The following RBFOX1 variants were observed in gnomAD, a reference collection of about 807,000 sequenced individuals.
The protein encoded by RBFOX1 is RNA binding fox-1 homolog 1, also known as RNA binding protein fox-1 homolog 1.
A neutral mutation model predicts 57.7 loss-of-function variants in RBFOX1; 8 were observed. The observed-to-expected ratio is 0.14, with a 90% CI of 0.08 to 0.25. RBFOX1 has a LOEUF of 0.25. Among genes scored for constraint, RBFOX1 ranks in the 10% least tolerant of loss-of-function variants. The pLI is 1.00. For missense variants in RBFOX1, 611 were observed against 548.5 expected (o/e 1.11, Z -1.14); for synonymous variants, 326 against 222.4 (o/e 1.47, Z -4.15).
chr16:6,500,399 C>T (rs3095508), intron 2 of RBFOX1, among the ~76,000 whole-genome samples: 1 of 151,950 alleles, frequency 6.6e-6, no homozygotes, highest in Non-Finnish European at 1.5e-5. Context: ...AGGATATTCA[C>T]TGACCATTTA....
chr16:6,282,181 C>T (rs905972566), intron 1 of RBFOX1, among the ~76,000 whole-genome samples: 1 of 152,030 alleles, frequency 6.6e-6, no homozygotes, highest in Non-Finnish European at 1.5e-5. Context: ...TGGGAAAAAT[C>T]CCAGATTGCG....
At chr16:7,226,851 A>G (rs569693160) in intron 4 of RBFOX1, among the ~76,000 whole-genome samples, 2 of 152,320 alleles carry the variant, frequency 1.3e-5, no homozygotes, top group Non-Finnish European at 2.9e-5. Flanking sequence ...GAGATTGCCA[A>G]CTTCAGGCTC....
chr16:7,047,716 C>CTTTTTTTTTTTTT (rs55636828), intron 3 of RBFOX1, among the ~76,000 whole-genome samples: 5 of 47,934 alleles, frequency 1.0e-4, no homozygotes, highest in East Asian at 4.1e-4. Context: ...TCCTGCATTT[C>CTTTTTTTTTTTTT]TTTTTTTTTT....
At chr16:5,977,663 C>G (rs1303196529) in intron 4 of RBFOX1, among the ~76,000 whole-genome samples, 1 of 152,084 alleles carries the variant, frequency 6.6e-6, no homozygotes, top group Non-Finnish European at 1.5e-5. Flanking sequence ...AAACCAACTG[C>G]TGATTGGAAA....
intron 4 of RBFOX1, among the ~76,000 whole-genome samples, chr16:7,482,241 G>T (rs2064150014): frequency 1.3e-5 from 2 of 152,204 alleles, no homozygotes; most frequent in South Asian, 4.1e-4. Context: ...CATTGTAAGA[G>T]CTCAAACAGT....
intron 1 of RBFOX1, among the ~76,000 whole-genome samples, chr16:5,394,180 T>C (rs2066486429): frequency 1.3e-5 from 2 of 152,046 alleles, no homozygotes; most frequent in South Asian, 4.1e-4. Context: ...TGCACTACCG[T>C]ACCCGGCTAA....
At chr16:7,200,015 C>T (rs1007138909) in intron 4 of RBFOX1, among the ~76,000 whole-genome samples, 5 of 152,180 alleles carry the variant, frequency 3.3e-5, no homozygotes, top group African/African-American at 1.2e-4. Flanking sequence ...TGTGGATAGT[C>T]ACAATCATAG....
intron 3 of RBFOX1, among the ~76,000 whole-genome samples, chr16:6,812,925 T>C (rs1275123584): frequency 6.6e-6 from 1 of 152,190 alleles, no homozygotes; most frequent in Non-Finnish European, 1.5e-5. Flanking sequence ...GTCATTGCTG[T>C]CTTTCTTTGG....
rs918085788 is a variant in RBFOX1 at position 5,378,546 on chromosome 16, T to TA, written c.220-88669dup. Among the ~76,000 whole-genome samples the TA allele has an allele frequency of 5.6e-4, 85 of 151,556 alleles. 3 individuals carry two copies. The highest frequency in any genetic ancestry group is 2.0e-3 in the African/African-American group (80 of 40,866). The stretch of plus-strand genomic sequence containing the variant: ...TGAATAGCCTCAGCAGAACCTCCAC[T>TA]AGGGCAGCAAGTTGTCCCAGTTATA... On this transcript the variant is annotated intron_variant, in intron 1 of 2. Transcript: ENST00000585867.
intron 4 of RBFOX1, among the ~76,000 whole-genome samples, chr16:7,334,731 C>T (rs1163585173): frequency 1.3e-5 from 2 of 152,162 alleles, no homozygotes; most frequent in East Asian, 3.9e-4. Context: ...CGTATTACCC[C>T]AGTGATAGAT....
At chr16:6,868,328 GT>G (rs1354835390) in intron 3 of RBFOX1, among the ~76,000 whole-genome samples, 2 of 152,144 alleles carry the variant, frequency 1.3e-5, no homozygotes, top group African/African-American at 4.8e-5. Context: ...GTAAAACAGA[GT>G]GGATTCATCT....
chr16:7,643,618 T>C (rs1186818084), intron 11 of RBFOX1, among the ~76,000 whole-genome samples: 1 of 152,204 alleles, frequency 6.6e-6, no homozygotes, highest in African/African-American at 2.4e-5. Flanking sequence ...AGTACAAACC[T>C]GCTCACTAAC....
At chr16:7,651,261 G>C (rs2065000410) in intron 11 of RBFOX1, among the ~76,000 whole-genome samples, 1 of 152,120 alleles carries the variant, frequency 6.6e-6, no homozygotes, top group African/African-American at 2.4e-5. Context: ...TCTTCACTTT[G>C]GTCGGGTTCG....
In RBFOX1 at chr16:6,759,177, G is replaced by A. The variant is rs147667932; in HGVS notation, c.-16+104527G>A. On this transcript the variant is annotated intron_variant, in intron 3 of 15. Transcript: ENST00000550418. ...TTTTTTTTTTCTTTTGTGAGACAGA[G>A]TCTCGCTCTGTTGCCCAGGCTGGAG... Among the ~76,000 whole-genome samples the A allele has an allele frequency of 7.5e-3, 1,125 of 149,112 alleles. 15 individuals carry two copies. Among genetic ancestry groups the A allele is most frequent in the African/African-American group, 0.026 (1,040 of 40,492 alleles).
rs1446921951 is a variant in RBFOX1 at position 6,780,192 on chromosome 16, TATATATTTTTATATATTTA to T, written c.-16+125543_-16+125561del. ...ATTTTTATATATTTATATATATATT[TATATATTTTTATATATTTA>T]TATATATTTATATATATATTTATAT... On this transcript the variant is annotated intron_variant, in intron 3 of 15. Transcript: ENST00000550418. Among the ~76,000 whole-genome samples, 22 of 36,614 alleles carry T rather than the reference TATATATTTTTATATATTTA, an allele frequency of 6.0e-4. 1 individual carries two copies. The highest frequency in any genetic ancestry group is 1.4e-3 in the African/African-American group (6 of 4,266). 24.0% of individuals were successfully genotyped at this position (36,614 alleles called of 152,430 possible).
At chr16:6,133,648 C>G (rs149157178) in intron 1 of RBFOX1, among the ~76,000 whole-genome samples, 77 of 152,334 alleles carry the variant, frequency 5.1e-4, no homozygotes, top group African/African-American at 1.6e-3. Context: ...TCCCATTGCT[C>G]TTTGAATAAA....
At chr16:7,454,601 C>T (rs982471673) in intron 4 of RBFOX1, among the ~76,000 whole-genome samples, 9 of 152,184 alleles carry the variant, frequency 5.9e-5, no homozygotes, top group Non-Finnish European at 8.8e-5. Flanking sequence ...AGGAAAACTA[C>T]ACAAAGATGT....
intron 3 of RBFOX1, among the ~76,000 whole-genome samples, chr16:6,832,582 C>T (rs2092785711): frequency 6.6e-6 from 1 of 152,294 alleles, no homozygotes; most frequent in African/African-American, 2.4e-5. Context: ...CTTGCAGCAG[C>T]CGCAGACGGA....
intron 4 of RBFOX1, among the ~76,000 whole-genome samples, chr16:7,073,911 CTG>C (rs2057833345): frequency 9.1e-6 from 1 of 109,866 alleles, no homozygotes; most frequent in African/African-American, 3.0e-5. Flanking sequence ...AAAAAATTGA[CTG>C]ACAATCCAGA....
Sources: gnomAD v4.1 joint callset for allele counts (sites outside exome capture counted in the v4.1 genomes callset) on GRCh38, gnomAD v4.1.1 for gene constraint, MANE v1.5 for transcripts, NCBI Gene and HGNC (gene_info 2026-07-23, HGNC 2026-07-21) for gene names.